Variants in NRG3 observed in about 807,000 individuals in gnomAD.
NRG3 encodes the protein pro-neuregulin-3, membrane-bound isoform.
In NRG3, 31 loss-of-function variants were observed where a neutral mutation model predicts 66.9. The observed-to-expected ratio is 0.46, with a 90% confidence interval of 0.35 to 0.63. NRG3 has a LOEUF of 0.63. Among genes scored for constraint, NRG3 ranks in the 20% least tolerant of loss-of-function variants. The pLI is 0.00. For synonymous variants in NRG3, 393 were observed against 359.4 expected (o/e 1.09, Z -1.06); for missense variants, 910 against 878.9 (o/e 1.04, Z -0.45).
intron 1 of NRG3, among the ~76,000 whole-genome samples, chr10:81,900,355 G>A (rs1843948348): frequency 6.6e-6 from 1 of 151,682 alleles, no homozygotes; most frequent in Admixed American, 6.6e-5. Flanking sequence ...AGCTAACTTG[G>A]CAAAATAATT....
intron 2 of NRG3, among the ~76,000 whole-genome samples, chr10:82,710,142 T>G (rs1379614391): frequency 6.6e-6 from 1 of 152,240 alleles, no homozygotes; most frequent in Non-Finnish European, 1.5e-5. Context: ...CTTGCACTTC[T>G]GCACAAGTAT....
chr10:82,809,467 G>T (rs147306477), intron 3 of NRG3, among the ~76,000 whole-genome samples: 1 of 152,098 alleles, frequency 6.6e-6, no homozygotes, highest in African/African-American at 2.4e-5. Context: ...ATTGAGACAA[G>T]TCCTGTGCTC....
chr10:82,955,491 G>T (rs1296837820), intron 5 of NRG3, among the ~76,000 whole-genome samples: 2 of 151,848 alleles, frequency 1.3e-5, no homozygotes, highest in East Asian at 3.9e-4. Flanking sequence ...AGAATGATGG[G>T]GATGAGTGTT....
rs566311001 is a variant in NRG3 at position 82,907,036 on chromosome 10, T to G, written c.1054+41599T>G. Among the ~76,000 whole-genome samples the G allele has an allele frequency of 3.3e-5, 5 of 152,324 alleles. No individual in the cohort carries two copies. The South Asian group carries it at 8.3e-4, about 25-fold the overall frequency. ...AGAGAAAAGTGTAAACTGCAGTCAA[T>G]ACAAACTGATTTGGGTTAGCAGTCC... On this transcript the variant is annotated intron_variant, in intron 4 of 8. Transcript: ENST00000372141.
chr10:82,448,515 A>G (rs1221809322), intron 2 of NRG3, among the ~76,000 whole-genome samples: 1 of 152,192 alleles, frequency 6.6e-6, no homozygotes, highest in Non-Finnish European at 1.5e-5. Context: ...TTATTAATAT[A>G]CTTTTGTGGA....
At chr10:82,847,651 TTCAG>T (rs1477180416) in intron 3 of NRG3, among the ~76,000 whole-genome samples, 5 of 152,204 alleles carry the variant, frequency 3.3e-5, no homozygotes, top group Non-Finnish European at 7.3e-5. Flanking sequence ...TCATGAATAC[TTCAG>T]TCAGATGTAT....
At chr10:82,121,503 C>T (rs2068086691) in intron 1 of NRG3, among the ~76,000 whole-genome samples, 3 of 152,052 alleles carry the variant, frequency 2.0e-5, no homozygotes, top group Admixed American at 2.0e-4. Flanking sequence ...TGTTTTCTTC[C>T]CAACACTCAC....
intron 2 of NRG3, among the ~76,000 whole-genome samples, chr10:82,416,107 T>C (rs1030990913): frequency 1.3e-5 from 2 of 152,214 alleles, no homozygotes; most frequent in Non-Finnish European, 2.9e-5. Flanking sequence ...ACATCAGCTG[T>C]TGAATGCAGT....
chr10:82,710,795 T>C (rs914328042), intron 2 of NRG3, among the ~76,000 whole-genome samples: 4 of 152,000 alleles, frequency 2.6e-5, no homozygotes, highest in Admixed American at 1.3e-4. Flanking sequence ...CCTTTGCTTA[T>C]GATTTTTTTA....
chr10:82,713,119 C>CA (rs369968319), intron 2 of NRG3, among the ~76,000 whole-genome samples: 25,511 of 55,272 alleles, frequency 0.46, 8,379 homozygotes, highest in East Asian at 0.51. Context: ...GACTTCATCT[C>CA]AAAAAAAAAA....
intron 2 of NRG3, among the ~76,000 whole-genome samples, chr10:82,623,914 A>T (rs1034185170): frequency 6.6e-6 from 1 of 152,118 alleles, no homozygotes; most frequent in African/African-American, 2.4e-5. Context: ...ATGATAGGGA[A>T]GGGACCCCAG....
At chr10:82,197,545 A>G (rs761643267) in intron 1 of NRG3, among the ~76,000 whole-genome samples, 26 of 152,178 alleles carry the variant, frequency 1.7e-4, no homozygotes, top group Non-Finnish European at 2.9e-4. Flanking sequence ...GTGATCTGGC[A>G]TAGGTTCAAT....
chr10:81,932,181 G>A lies in NRG3; in HGVS notation c.823+56018G>A, dbSNP rs563606198. ...GAGAGAGAGATTGAGAGAGAGGAGA[G>A]AGAGAGAGAGGAGAGAGAGATTGAG... On this transcript the variant is annotated intron_variant, in intron 1 of 8. Coordinates refer to ENST00000372141, the MANE Select transcript of NRG3 (RefSeq NM_001010848.4). Among the ~76,000 whole-genome samples the A allele has an allele frequency of 2.7e-5, 4 of 149,560 alleles. No individual in the cohort carries two copies. The East Asian group carries it at 8.0e-4, about 30-fold the overall frequency.
intron 2 of NRG3, among the ~76,000 whole-genome samples, chr10:82,376,512 C>T (rs981040202): frequency 2.8e-4 from 43 of 152,120 alleles, no homozygotes; most frequent in African/African-American, 1.0e-3. Flanking sequence ...AGAGTGAAAC[C>T]GACTGTGCCA....
intron 2 of NRG3, among the ~76,000 whole-genome samples, chr10:82,522,793 G>T (rs1207284644): frequency 6.6e-6 from 1 of 150,958 alleles, no homozygotes; most frequent in South Asian, 2.1e-4. Context: ...AATTCCTGTC[G>T]TACAATTTAG....
chr10:82,888,852 T>C (rs183302181), intron 4 of NRG3, among the ~76,000 whole-genome samples: 12 of 152,208 alleles, frequency 7.9e-5, no homozygotes, highest in Admixed American at 4.6e-4. Flanking sequence ...AAGAACGTAG[T>C]ATTTTAGTGG....
intron 2 of NRG3, among the ~76,000 whole-genome samples, chr10:82,481,811 C>T (rs1016963701): frequency 4.6e-5 from 7 of 151,954 alleles, no homozygotes; most frequent in South Asian, 2.1e-4. Flanking sequence ...ATGGTAAAAA[C>T]GCATCTCTAC....
At chr10:82,542,789 C>A (rs576620007) in intron 2 of NRG3, among the ~76,000 whole-genome samples, 1 of 152,182 alleles carries the variant, frequency 6.6e-6, no homozygotes, top group South Asian at 2.1e-4. Flanking sequence ...TATAATCGGG[C>A]AATCTTCGTA....
At chr10:81,912,271 G>C (rs914977781) in intron 1 of NRG3, among the ~76,000 whole-genome samples, 1 of 152,152 alleles carries the variant, frequency 6.6e-6, no homozygotes, top group Non-Finnish European at 1.5e-5. Context: ...GCTCAGACTG[G>C]AGTTCAGGGG....
Sources: gnomAD v4.1 joint callset for allele counts (sites outside exome capture counted in the v4.1 genomes callset) on GRCh38, gnomAD v4.1.1 for gene constraint, MANE v1.5 for transcripts, NCBI Gene and HGNC (gene_info 2026-07-23, HGNC 2026-07-21) for gene names.